Variants in LRRFIP1 observed in about 807,000 individuals in gnomAD.
LRRFIP1 encodes LRR binding FLII interacting protein 1.
In LRRFIP1, 62 loss-of-function variants were observed where a neutral mutation model predicts 104.4. The observed-to-expected ratio is 0.59, with a 90% confidence interval of 0.48 to 0.73. The LOEUF (loss-of-function observed/expected upper bound fraction) is 0.73, where lower values mean the gene tolerates loss of function less well. Among genes scored for constraint, LRRFIP1 ranks in the 30% least tolerant of loss-of-function variants. The probability of loss-of-function intolerance (pLI) is 0.00; values close to 1 mark genes in which losing one functional copy is unlikely to be tolerated. For synonymous variants in LRRFIP1, 300 were observed against 299.0 expected (o/e 1.00, Z -0.03); for missense variants, 796 against 824.5 (o/e 0.97, Z 0.42).
rs1295043179 is a variant in LRRFIP1, at chr2:237,692,092, T to TGGGGCGGGGAC, written c.97-16442_97-16432dup. ...GGGGCGGGGGCGGTGGGGCGAGTCA[T>TGGGGCGGGGAC]GGGGCGGGGACGGGGCGGGGCGTAG... On this transcript the variant is annotated intron_variant, in intron 1 of 23. Coordinates refer to ENST00000308482, the MANE Select transcript of LRRFIP1 (RefSeq NM_001137550.2). 124 of 486,594 alleles carry TGGGGCGGGGAC rather than the reference T, an allele frequency of 2.5e-4. 2 individuals carry two copies. In the African/African-American group the frequency reaches 2.8e-3, roughly 11 times the overall value. The allele number at this position is 486,594 out of a possible 1,614,324, so 30.1% of individuals were successfully genotyped here.
chr2:237,645,140 G>A (rs1337176741), intron 1 of LRRFIP1, among the ~76,000 whole-genome samples: 1 of 152,240 alleles, frequency 6.6e-6, no homozygotes, highest in Non-Finnish European at 1.5e-5. Flanking sequence ...GTGGGCCTGA[G>A]GTTAGAACCA....
chr2:237,659,213 C>A (rs2087393037), intron 1 of LRRFIP1, among the ~76,000 whole-genome samples: 1 of 152,104 alleles, frequency 6.6e-6, no homozygotes, highest in African/African-American at 2.4e-5. Context: ...CCTGCCACAG[C>A]CTCCCAAGTA....
chr2:237,757,931 TC>T (rs1398072854), intron 17 of LRRFIP1, among the ~76,000 whole-genome samples: 1 of 150,862 alleles, frequency 6.6e-6, no homozygotes, highest in African/African-American at 2.4e-5. Context: ...AGAAAAAAAA[TC>T]TAAGCACCAC....
chr2:237,716,146 C>T (rs56398222), intron 3 of LRRFIP1, among the ~76,000 whole-genome samples: 2,408 of 152,318 alleles, frequency 0.016, 33 homozygotes, highest in Non-Finnish European at 0.025. Flanking sequence ...TTGCTTCCCT[C>T]TTTCTAGTTA....
At chr2:237,727,761 C>G (rs1410061845) in intron 7 of LRRFIP1, 115 bp from the exon 8 acceptor site, 2 of 730,994 alleles carry the variant, frequency 2.7e-6, no homozygotes, top group East Asian at 5.0e-5. Flanking sequence ...ACTGGTCATT[C>G]ATCCGCTCCA....
chr2:237,725,148 T>C (rs750371068), intron 7 of LRRFIP1, among the ~76,000 whole-genome samples: 28 of 152,256 alleles, frequency 1.8e-4, no homozygotes, highest in Non-Finnish European at 3.1e-4. Context: ...GTGTGTCCTC[T>C]TTATTTTATT....
chr2:237,707,681 A>T (rs1057514068), intron 1 of LRRFIP1, among the ~76,000 whole-genome samples: 1 of 152,200 alleles, frequency 6.6e-6, no homozygotes, highest in African/African-American at 2.4e-5. Context: ...ATACGCATGC[A>T]GTTTTTAAAA....
At chr2:237,741,941 T>G (rs534278211) in intron 11 of LRRFIP1, among the ~76,000 whole-genome samples, 1 of 152,366 alleles carries the variant, frequency 6.6e-6, no homozygotes, top group East Asian at 1.9e-4. Flanking sequence ...TAATGCCCTC[T>G]GTACCCTCTG....
chr2:237,727,746 CCTGGACTGGT>C, intron 7 of LRRFIP1, 120 bp from the exon 8 acceptor site: 1 of 687,136 alleles, frequency 1.5e-6, no homozygotes, highest in Non-Finnish European at 2.6e-6. Context: ...CTTGTACTGT[CCTGGACTGGT>C]CATTCATCCG....
intron 5 of LRRFIP1, 59 bp from the exon 6 acceptor site, chr2:237,720,713 G>T: frequency 6.7e-7 from 1 of 1,500,072 alleles, no homozygotes; most frequent in Non-Finnish European, 9.3e-7. Flanking sequence ...CTTGGGCACT[G>T]GTTCTTCATG....
chr2:237,677,789 G>A (rs566240279), intron 1 of LRRFIP1, among the ~76,000 whole-genome samples: 21 of 152,196 alleles, frequency 1.4e-4, no homozygotes, highest in Non-Finnish European at 2.6e-4. Flanking sequence ...CAGCCACATC[G>A]GGGTCTGCCT....
intron 1 of LRRFIP1, among the ~76,000 whole-genome samples, chr2:237,688,802 A>C (rs1438256741): frequency 6.6e-6 from 1 of 151,946 alleles, no homozygotes; most frequent in Non-Finnish European, 1.5e-5. Context: ...CCCCCTGCTC[A>C]GACCTTTCCA....
At chr2:237,662,308 TG>T (rs1471201707) in intron 1 of LRRFIP1, among the ~76,000 whole-genome samples, 1 of 152,108 alleles carries the variant, frequency 6.6e-6, no homozygotes, top group Non-Finnish European at 1.5e-5. Flanking sequence ...CATCTTAACT[TG>T]ATTGTACACG....
Position 237,686,907 on chromosome 2 carries a change from G to A in LRRFIP1, c.97-21637G>A, listed in dbSNP as rs998968638. Among the ~76,000 whole-genome samples the A allele has an allele frequency of 8.5e-5, 13 of 152,200 alleles. No homozygotes were observed. In the East Asian group the frequency reaches 1.2e-3, roughly 14 times the overall value. On this transcript the variant is annotated intron_variant, in intron 1 of 23. Transcript: ENST00000308482. ...TGCCCCTAGTCTTACTGGGAGATCCGGCTCCTGGCATTGACCTGGGTGTGT... is the reference window on the plus strand; with the variant it reads ...TGCCCCTAGTCTTACTGGGAGATCCAGCTCCTGGCATTGACCTGGGTGTGT...
intron 1 of LRRFIP1, among the ~76,000 whole-genome samples, chr2:237,706,968 G>A (rs1575661009): frequency 1.3e-5 from 2 of 152,244 alleles, no homozygotes; most frequent in South Asian, 4.1e-4. Flanking sequence ...ATATGGTCTT[G>A]GAAATTGAAA....
chr2:237,699,360 T>C (rs1322567126), intron 1 of LRRFIP1, among the ~76,000 whole-genome samples: 3 of 148,964 alleles, frequency 2.0e-5, no homozygotes, highest in African/African-American at 5.2e-5. Flanking sequence ...TTTTTTTTTT[T>C]CTTTTTTTTT....
chr2:237,678,985 AAG>A (rs952708215), intron 1 of LRRFIP1, among the ~76,000 whole-genome samples: 2 of 152,182 alleles, frequency 1.3e-5, no homozygotes, highest in African/African-American at 4.8e-5. Context: ...CTGAAACACA[AAG>A]AGAGGATATG....
At chr2:237,653,756 A>G (rs1168969532) in intron 1 of LRRFIP1, among the ~76,000 whole-genome samples, 1 of 152,202 alleles carries the variant, frequency 6.6e-6, no homozygotes, top group Non-Finnish European at 1.5e-5. Context: ...CACTATGGGG[A>G]AAGGATAATC....
chr2:237,728,059 T>A (rs1186509829), intron 8 of LRRFIP1, 124 bp downstream of exon 8: 7 of 619,780 alleles, frequency 1.1e-5, no homozygotes, highest in Admixed American at 3.2e-5. Flanking sequence ...AAAATCGGTC[T>A]GTCTTTTTTT....
Sources: allele counts gnomAD v4.1 joint callset (sites outside exome capture counted in the v4.1 genomes callset), GRCh38; gene constraint gnomAD v4.1.1; transcripts MANE v1.5; gene names NCBI Gene and HGNC (gene_info 2026-07-23, HGNC 2026-07-21).